The following CSN1S1 variants were observed in gnomAD, a reference collection of about 807,000 sequenced individuals.
CSN1S1 encodes alpha-S1-casein.
Under a neutral mutation model 49.1 loss-of-function variants are expected in CSN1S1, and 63 were observed. That is an observed-to-expected ratio of 1.28 (90% CI 1.05 to 1.58). CSN1S1 has a LOEUF of 1.58. CSN1S1 is among the 40% of genes most tolerant of loss of function. CSN1S1 has a pLI of 0.00. For missense variants in CSN1S1, 260 were observed against 224.7 expected, an observed-to-expected ratio of 1.16 and a Z score of -1.01; for synonymous variants, 78 against 67.1, an observed-to-expected ratio of 1.16 and a Z score of -0.79.
chr4:69,942,566 C>A lies in CSN1S1; in HGVS notation c.391C>A (p.His131Asn). 1 of 1,586,742 alleles carries A rather than the reference C, an allele frequency of 6.3e-7. No individual in the cohort carries two copies. Among genetic ancestry groups the A allele is most frequent in the Non-Finnish European group, 8.6e-7 (1 of 1,164,710 alleles). ...EQIRRMNENS[H>N]VQVPFQQLNQ... ...AATTCGCAGAATGAATGAAAACAGC[C>A]ATGTCCAAGTGGTAATATTTTGCTT... Residue 131 changes from histidine to asparagine, a missense_variant, in exon 14 of 16, where the codon CAT becomes AAT. By Grantham distance (68) the His-to-Asn change is moderately conservative. Transcript: ENST00000246891.
At chr4:69,940,875 G>T (rs190848184) in intron 11 of CSN1S1, 144 bp from the exon 12 acceptor site, 2 of 467,978 alleles carry the variant, frequency 4.3e-6, no homozygotes, top group Non-Finnish European at 3.9e-6. Flanking sequence ...ATTATTTGGG[G>T]TAGAAATGGC....
intron 13 of CSN1S1, among the ~76,000 whole-genome samples, 197 bp downstream of exon 13, chr4:69,942,260 G>A (rs1722993542): frequency 6.6e-6 from 1 of 151,800 alleles, no homozygotes; most frequent in African/African-American, 2.4e-5. Flanking sequence ...AAAATATGTA[G>A]TCCTAGAGAA....
chr4:69,932,495 A>T, intron 1 of CSN1S1, 49 bp from the exon 2 acceptor site: 1 of 1,500,998 alleles, frequency 6.7e-7, no homozygotes, highest in Non-Finnish European at 9.1e-7. Context: ...TCAGGAAACA[A>T]ATTTAACGTA....
At chr4:69,935,414 G>T (rs1173218298) in intron 4 of CSN1S1, among the ~76,000 whole-genome samples, 1 of 151,758 alleles carries the variant, frequency 6.6e-6, no homozygotes, top group Admixed American at 6.6e-5. Flanking sequence ...GTCGGATGTG[G>T]CGGCATGCAC....
At chr4:69,933,246 A>G (rs1318597633) in intron 2 of CSN1S1, among the ~76,000 whole-genome samples, 1 of 152,010 alleles carries the variant, frequency 6.6e-6, no homozygotes, top group Admixed American at 6.6e-5. Context: ...TGAACCAAAA[A>G]GTTTTCTCTG....
At position 69,937,841 on chromosome 4, in the gene CSN1S1, T is replaced by A; in HGVS notation, c.243+18T>A. ...AGCCTGAGGTAAGACCCATTCATTC[T>A]AGTGAACTCTACACTTACGTATCAA... On this transcript the variant is annotated intron_variant, in intron 9 of 15. Coordinates refer to ENST00000246891, the MANE Select transcript of CSN1S1 (RefSeq NM_001890.2). The A allele has an allele frequency of 6.3e-7, 1 of 1,575,856 alleles. No homozygotes were observed. Among genetic ancestry groups the A allele is most frequent in the Non-Finnish European group, 8.6e-7 (1 of 1,160,924 alleles).
intron 12 of CSN1S1, among the ~76,000 whole-genome samples, chr4:69,941,404 A>T (rs1298543214): frequency 6.6e-6 from 1 of 151,866 alleles, no homozygotes; most frequent in Non-Finnish European, 1.5e-5. Context: ...AATCACAGAT[A>T]TGTCAAATAA....
At chr4:69,932,499 T>G in intron 1 of CSN1S1, 45 bp from the exon 2 acceptor site, 2 of 1,508,098 alleles carry the variant, frequency 1.3e-6, no homozygotes, top group Non-Finnish European at 1.8e-6. Context: ...GAAACAAATT[T>G]AACGTAATAA....
chr4:69,940,067 A>G, intron 11 of CSN1S1, 23 bp downstream of exon 11: 1 of 1,220,156 alleles, frequency 8.2e-7, no homozygotes, highest in Non-Finnish European at 1.1e-6. Flanking sequence ...TGCTAAATTT[A>G]AAATATATTA....
chr4:69,939,990 TA>T, intron 10 of CSN1S1, 30 bp from the exon 11 acceptor site: 1 of 1,297,398 alleles, frequency 7.7e-7, no homozygotes, highest in Non-Finnish European at 1.1e-6. Context: ...GTCGTGAAAT[TA>T]AAACTATGCA....
Position 69,937,832 on chromosome 4 carries a change from C to T in CSN1S1, c.243+9C>T. On this transcript the variant is annotated intron_variant, in intron 9 of 15. Transcript: ENST00000246891. Reference sequence around the variant, plus strand: ...TTGTGGCAGAGCCTGAGGTAAGACCCATTCATTCTAGTGAACTCTACACTT... The same window carrying T: ...TTGTGGCAGAGCCTGAGGTAAGACCTATTCATTCTAGTGAACTCTACACTT... 4 of 1,586,946 alleles carry T rather than the reference C, an allele frequency of 2.5e-6. No homozygotes were observed. Among genetic ancestry groups the T allele is most frequent in the Non-Finnish European group, 3.4e-6 (4 of 1,168,668 alleles).
rs1016048919 is a variant in CSN1S1, at chr4:69,946,362, C to T, written c.*166C>T. On this transcript the variant is annotated 3_prime_UTR_variant, in exon 16 of 16. Coordinates refer to ENST00000246891, the MANE Select transcript of CSN1S1 (RefSeq NM_001890.2). ...ATTCTTTTTCTTAAGCTAAATTTTC[C>T]TAGAGAGTTTATTGTCTAAATTTCA... The T allele has an allele frequency of 3.3e-6, 1 of 303,700 alleles. No homozygotes were observed. Among genetic ancestry groups the T allele is most frequent in the Non-Finnish European group, 6.4e-6 (1 of 156,432 alleles). The allele number at this position is 303,700 out of a possible 1,614,324, so 18.8% of individuals were successfully genotyped here. A position where few individuals can be genotyped will look rare whatever the true frequency, so the allele number is the denominator to read the frequency against.
intron 9 of CSN1S1, 145 bp downstream of exon 9, chr4:69,937,968 A>G: frequency 2.0e-6 from 1 of 492,504 alleles, no homozygotes; most frequent in East Asian, 3.5e-5. Context: ...ATTTTAAATT[A>G]ATCCTATTCT....
At position 69,935,304 on chromosome 4, in the gene CSN1S1, T is replaced by C. The variant is rs534263813; in HGVS notation, c.105+594T>C. Among the ~76,000 whole-genome samples the C allele has an allele frequency of 4.0e-5, 6 of 151,830 alleles. No homozygotes were observed. The South Asian group carries it at 1.3e-3, about 32-fold the overall frequency. ...CTGTAATCCCAACACTTTGGGAGGC[T>C]GAGGCAGGAGGATTGCTTGAGCCCA... On this transcript the variant is annotated intron_variant, in intron 4 of 15. Transcript: ENST00000246891.
chr4:69,931,684 C>T (rs1042850356), intron 1 of CSN1S1, among the ~76,000 whole-genome samples: 1 of 142,538 alleles, frequency 7.0e-6, no homozygotes, highest in African/African-American at 2.5e-5. Context: ...TTTATTAACA[C>T]ATTTAGATTC....
intron 11 of CSN1S1, among the ~76,000 whole-genome samples, chr4:69,940,692 A>G (rs1028807401): frequency 6.6e-6 from 1 of 151,888 alleles, no homozygotes; most frequent in African/African-American, 2.4e-5. Context: ...TAATTTGGCC[A>G]AAGTTAAATC....
At chr4:69,934,303 A>C in intron 3 of CSN1S1, 59 bp downstream of exon 3, 1 of 1,483,600 alleles carries the variant, frequency 6.7e-7, no homozygotes, top group Non-Finnish European at 9.3e-7. Context: ...CAAACTCCAA[A>C]TGTGCGCTTC....
At chr4:69,941,242 C>T (rs1722961164) in intron 12 of CSN1S1, among the ~76,000 whole-genome samples, 182 bp downstream of exon 12, 1 of 151,732 alleles carries the variant, frequency 6.6e-6, no homozygotes, top group African/African-American at 2.4e-5. Context: ...GGGCAATGCT[C>T]ATTCTCTTTA....
At chr4:69,936,982 C>G (rs1344781912) in intron 7 of CSN1S1, 139 bp from the exon 8 acceptor site, 5 of 680,312 alleles carry the variant, frequency 7.3e-6, no homozygotes, top group Non-Finnish European at 1.0e-5. Flanking sequence ...TTTTCTTTAA[C>G]CATAACATCT....
Sources: allele counts gnomAD v4.1 joint callset (sites outside exome capture counted in the v4.1 genomes callset), GRCh38; gene constraint gnomAD v4.1.1; transcripts MANE v1.5; gene names NCBI Gene and HGNC (gene_info 2026-07-23, HGNC 2026-07-21).